TRIM14: variants seen among roughly 807,000 people sequenced by gnomAD.
The protein encoded by TRIM14 is tripartite motif-containing protein 14.
A neutral mutation model predicts 44.5 loss-of-function variants in TRIM14; 28 were observed. That is an observed-to-expected ratio of 0.63 (90% CI 0.47 to 0.86). The LOEUF is 0.86. Ranked by LOEUF, TRIM14 falls within the 40% of genes least tolerant of loss-of-function variation. The pLI, the probability that TRIM14 is intolerant of heterozygous loss-of-function variation, is 0.00. For synonymous variants in TRIM14, 299 were observed against 269.2 expected, an observed-to-expected ratio of 1.11 and a Z score of -1.08; for missense variants, 607 against 611.1, an observed-to-expected ratio of 0.99 and a Z score of 0.07.
chr9:98,071,995 T>C (rs1343392893), intron 6 of TRIM14, among the ~76,000 whole-genome samples: 2 of 152,154 alleles, frequency 1.3e-5, no homozygotes, highest in African/African-American at 2.4e-5. Flanking sequence ...AGTCTGGTGT[T>C]TGCAGCGGGG....
downstream of TRIM14, among the ~76,000 whole-genome samples, chr9:98,065,705 A>G (rs537753255): frequency 3.8e-4 from 57 of 151,306 alleles, no homozygotes; most frequent in African/African-American, 1.4e-3. Flanking sequence ...CGAAATCTCA[A>G]CTTGAATTTT....
the TRIM14 span, among the ~76,000 whole-genome samples, chr9:98,041,432 G>A: frequency 4.6e-5 from 7 of 151,618 alleles, no homozygotes; most frequent in African/African-American, 1.5e-4. Flanking sequence ...TAATCCACCC[G>A]CCTCGGCCTC....
At chr9:98,056,687 G>T in the TRIM14 span, 6 of 1,423,544 alleles carry the variant, frequency 4.2e-6, no homozygotes, top group Non-Finnish European at 5.6e-6. Flanking sequence ...CGGCGACCGC[G>T]GGCTGACGTG....
the TRIM14 span, among the ~76,000 whole-genome samples, chr9:98,038,835 G>T: frequency 6.6e-6 from 1 of 152,066 alleles, no homozygotes; most frequent in Non-Finnish European, 1.5e-5. Context: ...CGGATTATGA[G>T]GTCAGGAGTC....
chr9:98,106,031 T>A (rs540767604), intron 2 of TRIM14, among the ~76,000 whole-genome samples: 8 of 151,844 alleles, frequency 5.3e-5, no homozygotes, highest in African/African-American at 1.9e-4. Flanking sequence ...TGAAAATGAG[T>A]CTGGAGCTAC....
At chr9:98,063,839 A>C in the TRIM14 span, among the ~76,000 whole-genome samples, 5 of 150,568 alleles carry the variant, frequency 3.3e-5, no homozygotes, top group Admixed American at 6.7e-5. Context: ...CACTGCACCC[A>C]GCCTGTTTTT....
Position 98,087,904 on chromosome 9 carries a change from G to A in TRIM14, c.895C>T (p.Pro299Ser), listed in dbSNP as rs777188169. ...GCGTCGAACCGCAGCACGGGCACGG[G>A]CCCCAGGCTGCCCAGCAGGCCGCAG... ...VRCGLLGSLG[P>S]VPVLRFDALW... The change falls in exon 6 of 6, where the codon CCC (proline) becomes TCC (serine). Residue 299 changes from proline to serine, a missense_variant. By Grantham distance (74) the Pro-to-Ser change is moderately conservative (BLOSUM62 -1). This residue lies in a region of TRIM14 where 356 missense variants were observed against 323.0 expected (regional missense o/e 1.10). Coordinates refer to ENST00000341469, the MANE Select transcript of TRIM14 (RefSeq NM_014788.4). 3.8e-6 allele frequency: 6 copies of A among 1,568,162 alleles called. No homozygotes were observed. The highest frequency in any genetic ancestry group is 2.4e-5 in the East Asian group (1 of 41,598).
the TRIM14 span, among the ~76,000 whole-genome samples, chr9:98,049,699 C>T: frequency 4.6e-5 from 7 of 152,100 alleles, no homozygotes; most frequent in South Asian, 2.1e-4. Flanking sequence ...GACTTCTTTA[C>T]CACTACTTTT....
At position 98,085,406 on chromosome 9, in the gene TRIM14, C is replaced by T. The variant is rs1483666594; in HGVS notation, c.*2064G>A. The T allele has an allele frequency of 6.6e-6, 1 of 152,164 alleles. No homozygotes were observed. The highest frequency in any genetic ancestry group is 2.4e-5 in the African/African-American group (1 of 41,418). 9.4% of individuals were successfully genotyped at this position (152,164 alleles called of 1,614,324 possible). A position where few individuals can be genotyped will look rare whatever the true frequency, so the allele number is the denominator to read the frequency against. ...GTGTAGAATTGGGAAAACTTTCTAC[C>T]CTCTAGGGCTGATGAAAGGATCAGA... is the stretch of plus-strand genomic sequence containing the variant. On this transcript the variant is annotated 3_prime_UTR_variant, in exon 6 of 6. Coordinates refer to ENST00000341469, the MANE Select transcript of TRIM14 (RefSeq NM_014788.4).
intron 5 of TRIM14, 81 bp from the exon 6 acceptor site, chr9:98,088,086 T>G (rs1437391343): frequency 4.4e-6 from 6 of 1,354,850 alleles, no homozygotes; most frequent in East Asian, 6.1e-5. Context: ...CCAACGCACG[T>G]GCAAATCACA....
downstream of TRIM14, among the ~76,000 whole-genome samples, chr9:98,079,991 A>G (rs1829780608): frequency 6.6e-6 from 1 of 152,214 alleles, no homozygotes; most frequent in Admixed American, 6.5e-5. Flanking sequence ...AGGCAGGTGG[A>G]CCGCTTGAGG....
chr9:98,094,553 G>A (rs1443418703), intron 4 of TRIM14, among the ~76,000 whole-genome samples: 1 of 152,232 alleles, frequency 6.6e-6, no homozygotes, highest in Admixed American at 6.5e-5. Flanking sequence ...CCAGCCAGAG[G>A]AAGAGAAGGA....
rs1297313917 is a variant in TRIM14, at chr9:98,087,964, G to T, written c.835C>A (p.Arg279Ser). 10 of 1,562,692 alleles carry T rather than the reference G, an allele frequency of 6.4e-6. No homozygotes were observed. Among genetic ancestry groups the T allele is most frequent in the Non-Finnish European group, 8.6e-6 (10 of 1,165,302 alleles). ...AGGCGATCGGCGGACAGGCGCAGGCGCGCGTGCATCGTGTCAGGATCCAGC... is the reference window on the plus strand; with the variant it reads ...AGGCGATCGGCGGACAGGCGCAGGCTCGCGTGCATCGTGTCAGGATCCAGC... ...PTLDPDTMHA[R>S]LRLSADRLTV... The change falls in exon 6 of 6, where the codon CGC (arginine) becomes AGC (serine). Residue 279 changes from arginine to serine, a missense_variant. Around this residue, in one of 3 missense-constraint regions of TRIM14, gnomAD observed 356 missense variants for 323.0 expected, o/e 1.10. Transcript: ENST00000341469.
downstream of TRIM14, among the ~76,000 whole-genome samples, chr9:98,065,483 ATTT>A (rs397837187): frequency 4.2e-3 from 244 of 58,626 alleles, no homozygotes; most frequent in South Asian, 5.9e-3. Context: ...TGCCCAGCTA[ATTT>A]TTTTTTTTTT....
chr9:98,113,943 C>T (rs1301670774), intron 1 of TRIM14, among the ~76,000 whole-genome samples: 1 of 152,104 alleles, frequency 6.6e-6, no homozygotes, highest in Non-Finnish European at 1.5e-5. Context: ...TTTCTTATTT[C>T]TATATCAAGT....
downstream of TRIM14, among the ~76,000 whole-genome samples, chr9:98,079,482 T>C (rs1829752459): frequency 6.6e-6 from 1 of 152,132 alleles, no homozygotes; most frequent in Non-Finnish European, 1.5e-5. Context: ...CTTAAAAAGT[T>C]AGCCTTTTTG....
chr9:98,090,736 G>C (rs1325254066), intron 5 of TRIM14, among the ~76,000 whole-genome samples: 1 of 151,914 alleles, frequency 6.6e-6, no homozygotes, highest in East Asian at 1.9e-4. Context: ...GCTAATTTTT[G>C]TATTTTTAGT....
chr9:98,089,683 C>T (rs964177197), intron 5 of TRIM14, among the ~76,000 whole-genome samples: 2 of 152,202 alleles, frequency 1.3e-5, no homozygotes, highest in South Asian at 2.1e-4. Context: ...CTCAAGACAA[C>T]GGCCACATTA....
At chr9:98,057,922 G>GTTTTTTTTTTTT in the TRIM14 span, among the ~76,000 whole-genome samples, 1 of 78,086 alleles carries the variant, frequency 1.3e-5, no homozygotes, top group Non-Finnish European at 2.3e-5. Context: ...TTTTTTCCTG[G>GTTTTTTTTTTTT]TTTTTTTTTT....
Sources: allele counts gnomAD v4.1 joint callset (sites outside exome capture counted in the v4.1 genomes callset), GRCh38; gene constraint gnomAD v4.1.1; regional missense constraint gnomAD v4.1.1; transcripts MANE v1.5; gene names NCBI Gene and HGNC (gene_info 2026-07-23, HGNC 2026-07-21).